The following CAMK1D variants were observed in gnomAD, a reference collection of about 807,000 sequenced individuals.
CAMK1D encodes the protein calcium/calmodulin-dependent protein kinase type 1D.
Under a neutral mutation model 47.7 loss-of-function variants are expected in CAMK1D, and 9 were observed. The ratio of observed to expected loss-of-function variants is 0.19; its 90% CI spans 0.11 to 0.33. CAMK1D has a LOEUF of 0.33. Among genes scored for constraint, CAMK1D ranks in the 10% least tolerant of loss-of-function variants. The probability of loss-of-function intolerance (pLI) is 1.00; values close to 1 mark genes in which losing one functional copy is unlikely to be tolerated. For synonymous variants in CAMK1D, 184 were observed against 184.9 expected (o/e 0.99, Z 0.04); for missense variants, 291 against 488.7 (o/e 0.60, Z 3.81).
chr10:12,365,316 T>C (rs1837799306), intron 1 of CAMK1D, among the ~76,000 whole-genome samples: 1 of 152,160 alleles, frequency 6.6e-6, no homozygotes, highest in Admixed American at 6.5e-5. Flanking sequence ...CTGCTTACGT[T>C]ATGGACTTTT....
intron 1 of CAMK1D, among the ~76,000 whole-genome samples, chr10:12,445,582 G>C (rs151295290): frequency 6.6e-6 from 1 of 152,224 alleles, no homozygotes; most frequent in South Asian, 2.1e-4. Context: ...TACTGTTAAC[G>C]TGCTTTTTTA....
intron 6 of CAMK1D, among the ~76,000 whole-genome samples, chr10:12,801,345 CTATCTATCT>C (rs1428378917): frequency 1.5e-3 from 138 of 90,642 alleles, no homozygotes; most frequent in African/African-American, 2.9e-3. Context: ...ATCTATCTAT[CTATCTATCT>C]TATCTATCTA....
At chr10:12,722,624 C>T (rs1174923851) in intron 3 of CAMK1D, among the ~76,000 whole-genome samples, 1 of 152,162 alleles carries the variant, frequency 6.6e-6, no homozygotes, top group Non-Finnish European at 1.5e-5. Flanking sequence ...AAACACTGGG[C>T]ACACAATAGC....
rs138057877 is a variant in CAMK1D at position 12,449,499 on chromosome 10, G to A, written c.92+99589G>A. ...TAGATCTCAAGTGCCATCATCACACGCACACAAGGGGTGATGATGGCAGTT... is the reference window on the plus strand; with the variant it reads ...TAGATCTCAAGTGCCATCATCACACACACACAAGGGGTGATGATGGCAGTT... On this transcript the variant is annotated intron_variant, in intron 1 of 10. Coordinates refer to ENST00000619168, the MANE Select transcript of CAMK1D (RefSeq NM_153498.4). Among the ~76,000 whole-genome samples, 29 of 140,914 alleles carry A rather than the reference G, an allele frequency of 2.1e-4. No homozygotes were observed. The South Asian group carries it at 2.2e-3, about 11-fold the overall frequency. 92.4% of individuals were successfully genotyped at this position (140,914 alleles called of 152,430 possible).
At chr10:12,767,614 ACATCAAT>A (rs1453918210) in intron 4 of CAMK1D, among the ~76,000 whole-genome samples, 1 of 152,212 alleles carries the variant, frequency 6.6e-6, no homozygotes. Flanking sequence ...GAGACATGAG[ACATCAAT>A]CAGTATGTGT....
At chr10:12,636,361 T>A (rs1275495836) in intron 2 of CAMK1D, among the ~76,000 whole-genome samples, 1 of 152,228 alleles carries the variant, frequency 6.6e-6, no homozygotes, top group Non-Finnish European at 1.5e-5. Context: ...GGTATTTTGC[T>A]TTGTCACCTG....
At chr10:12,701,720 A>G (rs1833526260) in intron 3 of CAMK1D, among the ~76,000 whole-genome samples, 1 of 152,228 alleles carries the variant, frequency 6.6e-6, no homozygotes, top group Non-Finnish European at 1.5e-5. Flanking sequence ...CATTCTCCAA[A>G]CATACTCATT....
chr10:12,585,604 CAA>C (rs1261785397), intron 2 of CAMK1D, among the ~76,000 whole-genome samples: 3 of 152,162 alleles, frequency 2.0e-5, no homozygotes, highest in Non-Finnish European at 2.9e-5. Context: ...TGGTGGCAAA[CAA>C]GAGAGAATGA....
At chr10:12,374,397 C>T (rs1049474323) in intron 1 of CAMK1D, among the ~76,000 whole-genome samples, 6 of 152,232 alleles carry the variant, frequency 3.9e-5, no homozygotes, top group East Asian at 1.9e-4. Flanking sequence ...TACCATTCCC[C>T]GTGAACTCCT....
At chr10:12,424,901 A>G (rs1006941381) in intron 1 of CAMK1D, among the ~76,000 whole-genome samples, 1 of 152,188 alleles carries the variant, frequency 6.6e-6, no homozygotes, top group South Asian at 2.1e-4. Flanking sequence ...GGGTCCGACC[A>G]TACGACATCT....
chr10:12,506,809 C>T (rs778173455), intron 1 of CAMK1D, among the ~76,000 whole-genome samples: 4 of 152,222 alleles, frequency 2.6e-5, no homozygotes, highest in Non-Finnish European at 4.4e-5. Context: ...TGAGCCACCG[C>T]GCCCGGCCTG....
At chr10:12,554,703 A>G (rs1323201771) in intron 2 of CAMK1D, among the ~76,000 whole-genome samples, 1 of 120,782 alleles carries the variant, frequency 8.3e-6, no homozygotes, top group Non-Finnish European at 1.9e-5. Context: ...TGCCTGGCTA[A>G]TTAAAAAAAA....
intron 1 of CAMK1D, among the ~76,000 whole-genome samples, chr10:12,429,919 G>A (rs1840384245): frequency 6.6e-6 from 1 of 152,062 alleles, no homozygotes; most frequent in Non-Finnish European, 1.5e-5. Flanking sequence ...GGACACATGG[G>A]CTGGGTAACT....
intron 1 of CAMK1D, among the ~76,000 whole-genome samples, chr10:12,511,751 G>A (rs1400251716): frequency 6.6e-6 from 1 of 152,258 alleles, no homozygotes; most frequent in Admixed American, 6.5e-5. Flanking sequence ...ATGTGCTGCA[G>A]TATGCAGAAC....
intron 3 of CAMK1D, 56 bp downstream of exon 3, chr10:12,666,866 A>G: frequency 1.5e-6 from 2 of 1,372,694 alleles, no homozygotes; most frequent in Non-Finnish European, 2.1e-6. Flanking sequence ...TCCAATGTCT[A>G]AAGGGATCAG....
intron 2 of CAMK1D, among the ~76,000 whole-genome samples, chr10:12,589,231 C>G (rs1837925504): frequency 6.6e-6 from 1 of 152,182 alleles, no homozygotes; most frequent in Admixed American, 6.5e-5. Flanking sequence ...CCAGGCTGGG[C>G]TCAAACTCCT....
At position 12,830,926 on chromosome 10, in the gene CAMK1D, A is replaced by AACACAC. The variant is rs3995677; in HGVS notation, c.*2073_*2078dup. 0.061 allele frequency: 6,332 copies of AACACAC among 103,698 alleles called. 221 individuals are homozygous for AACACAC. Among genetic ancestry groups the AACACAC allele is most frequent in the African/African-American group, 0.1 (2,773 of 26,478 alleles). The allele number at this position is 103,698 out of a possible 1,614,324, so 6.4% of individuals were successfully genotyped here. A position where few individuals can be genotyped will look rare whatever the true frequency, so the allele number is the denominator to read the frequency against. Reference sequence around the variant, plus strand: ...GTGATGCCCCCCCACCCTCTCAATAAACACACACACACACACACACACACA... The same window carrying AACACAC: ...GTGATGCCCCCCCACCCTCTCAATAAACACACACACACACACACACACACACACACA... On this transcript the variant is annotated 3_prime_UTR_variant, in exon 11 of 11. Transcript: ENST00000619168.
chr10:12,811,889 C>T (rs962056651), intron 6 of CAMK1D, among the ~76,000 whole-genome samples: 3 of 152,228 alleles, frequency 2.0e-5, no homozygotes, highest in Admixed American at 1.3e-4. Flanking sequence ...CCGGGATTTC[C>T]GTGGGCAGTG....
intron 3 of CAMK1D, among the ~76,000 whole-genome samples, chr10:12,745,006 A>G (rs901039196): frequency 2.6e-5 from 4 of 152,244 alleles, no homozygotes; most frequent in Admixed American, 2.6e-4. Context: ...GCTGAGAGCC[A>G]CTGTCATTCA....
Sources: allele counts gnomAD v4.1 joint callset (sites outside exome capture counted in the v4.1 genomes callset), GRCh38; gene constraint gnomAD v4.1.1; transcripts MANE v1.5; gene names NCBI Gene and HGNC (gene_info 2026-07-23, HGNC 2026-07-21).